Variants in DLGAP4 observed in about 807,000 individuals in gnomAD.
DLGAP4 encodes DLG associated protein 4, also known as disks large-associated protein 4.
In DLGAP4, 18 loss-of-function variants were observed where a neutral mutation model predicts 86.9. The observed-to-expected ratio is 0.21, with a 90% CI of 0.14 to 0.31. The LOEUF is 0.31. Among genes scored for constraint, DLGAP4 ranks in the 10% least tolerant of loss-of-function variants. The probability of loss-of-function intolerance (pLI) is 1.00; values close to 1 mark genes in which losing one functional copy is unlikely to be tolerated. For missense variants in DLGAP4, 1,085 were observed against 1,362.6 expected, an observed-to-expected ratio of 0.80 and a Z score of 3.21; for synonymous variants, 548 against 574.3, an observed-to-expected ratio of 0.95 and a Z score of 0.65.
Position 36,526,971 on chromosome 20 carries a change from A to C in DLGAP4, c.2919A>C (p.Ser973=). Residue 973 remains serine (S), a synonymous_variant, in exon 13 of 13, where the codon TCA becomes TCC. Transcript: ENST00000339266. The stretch of plus-strand genomic sequence containing the variant: ...GGGCAGCTTCTGTGCGGCAGAACTC[A>C]GCCACCGAGAGCGCAGACAGCATCG... ...AKRAASVRQN[S]ATESADSIEI... The C allele has an allele frequency of 1.9e-6, 3 of 1,611,258 alleles. No homozygotes were observed. The highest frequency in any genetic ancestry group is 1.7e-4 in the Middle Eastern group (1 of 6,054).
chr20:36,404,950 G>A (rs533748844), intron 2 of DLGAP4, among the ~76,000 whole-genome samples: 13 of 152,332 alleles, frequency 8.5e-5, no homozygotes, highest in African/African-American at 1.4e-4. Context: ...GTTGAGGAGC[G>A]GGTCAGGGAG....
chr20:36,349,918 C>A (rs1191787162), intron 1 of DLGAP4, among the ~76,000 whole-genome samples: 1 of 152,162 alleles, frequency 6.6e-6, no homozygotes, highest in East Asian at 1.9e-4. Context: ...ATGGGCTGTC[C>A]TCCCCTGACT....
intron 1 of DLGAP4, among the ~76,000 whole-genome samples, chr20:36,337,020 C>T (rs1255027030): frequency 4.6e-5 from 7 of 152,098 alleles, no homozygotes; most frequent in Non-Finnish European, 8.8e-5. Flanking sequence ...CGGAGGAAGG[C>T]GGAGGGAGCT....
At chr20:36,513,613 C>T (rs899358472) in intron 10 of DLGAP4, among the ~76,000 whole-genome samples, 2 of 150,906 alleles carry the variant, frequency 1.3e-5, no homozygotes, top group Non-Finnish European at 1.5e-5. Context: ...AAATGAGAAC[C>T]TCTGTGTACC....
At chr20:36,496,196 GGA>G (rs2147763505) in intron 7 of DLGAP4, among the ~76,000 whole-genome samples, 1 of 152,104 alleles carries the variant, frequency 6.6e-6, no homozygotes, top group Admixed American at 6.5e-5. Context: ...TTGACCAGGT[GGA>G]GAGGGGGCAT....
rs1361212203 is a variant in DLGAP4 at position 36,431,666 on chromosome 20, G to C, written c.-52G>C. 1 of 1,515,462 alleles carries C rather than the reference G, an allele frequency of 6.6e-7. No homozygotes were observed. Among genetic ancestry groups the C allele is most frequent in the East Asian group, 2.3e-5 (1 of 43,728 alleles). 93.9% of individuals were successfully genotyped at this position (1,515,462 alleles called of 1,614,324 possible). On this transcript the variant is annotated 5_prime_UTR_variant, in exon 3 of 13. Coordinates refer to ENST00000339266, the MANE Select transcript of DLGAP4 (RefSeq NM_001365621.2). This position sits in a 1 kb window ranked among gnomAD's most constrained non-coding sequence, Gnocchi z 5.1. Reference sequence around the variant, plus strand: ...CCTAGGATAGCTGCCGCCCGGGAGAGGTGACCCGGGCGCCCTGCTAGGGTG... The same window carrying C: ...CCTAGGATAGCTGCCGCCCGGGAGACGTGACCCGGGCGCCCTGCTAGGGTG...
In DLGAP4 at chr20:36,432,365, C is replaced by T. The variant is rs762306621; in HGVS notation, c.648C>T (p.Gly216=). The change falls in exon 3 of 13, where the codon GGC becomes GGT. Residue 216 remains glycine, a synonymous_variant. Transcript: ENST00000339266. This position sits in a 1 kb window ranked among gnomAD's most constrained non-coding sequence, Gnocchi z 6.5. ...ATGACAACTTGGACGGCGAGGCCGGCGCCTTCCGCAGCAGTGGCCCAGCCT... is the reference window on the plus strand; with the variant it reads ...ATGACAACTTGGACGGCGAGGCCGGTGCCTTCCGCAGCAGTGGCCCAGCCT... ...SSDDNLDGEA[G]AFRSSGPASG... is the part of the protein sequence containing the mutation. 3.3e-5 allele frequency: 54 copies of T among 1,613,378 alleles called. No homozygotes were observed. Among genetic ancestry groups the T allele is most frequent in the Middle Eastern group, 1.6e-4 (1 of 6,082 alleles).
At chr20:36,420,574 A>G (rs905364600) in intron 2 of DLGAP4, among the ~76,000 whole-genome samples, 1 of 152,184 alleles carries the variant, frequency 6.6e-6, no homozygotes, top group Non-Finnish European at 1.5e-5. Context: ...GCAGTGACCC[A>G]CACCTGTAAT....
chr20:36,386,615 C>A (rs1413295921), intron 2 of DLGAP4, among the ~76,000 whole-genome samples: 3 of 152,164 alleles, frequency 2.0e-5, no homozygotes, highest in African/African-American at 7.2e-5. Context: ...GACAGGGTCT[C>A]ACTCTGTCAT....
intron 8 of DLGAP4, chr20:36,498,950 C>T: frequency 2.7e-6 from 1 of 373,354 alleles, no homozygotes; most frequent in Non-Finnish European, 4.9e-6. Context: ...CTCCCCAGGG[C>T]CACCCAGTGC....
At chr20:36,507,327 A>C (rs1223762373) in intron 10 of DLGAP4, among the ~76,000 whole-genome samples, 2 of 152,076 alleles carry the variant, frequency 1.3e-5, no homozygotes, top group Non-Finnish European at 2.9e-5. Context: ...TCCTGGGTGC[A>C]AGTGATTCTC....
chr20:36,424,597 G>C (rs2032922629), intron 2 of DLGAP4, among the ~76,000 whole-genome samples: 1 of 152,104 alleles, frequency 6.6e-6, no homozygotes, highest in South Asian at 2.1e-4. Flanking sequence ...TGTGCAGGGG[G>C]GTCCTGGGTG....
chr20:36,519,035 TG>T (rs2037207162), intron 10 of DLGAP4, among the ~76,000 whole-genome samples: 1 of 151,524 alleles, frequency 6.6e-6, no homozygotes, highest in Non-Finnish European at 1.5e-5. Flanking sequence ...GAGAATCGCT[TG>T]AACCCGGGAG....
chr20:36,525,575 C>T (rs1473472149), intron 11 of DLGAP4: 6 of 506,040 alleles, frequency 1.2e-5, no homozygotes, highest in East Asian at 3.2e-5. Flanking sequence ...CCCTGCAAAA[C>T]GAGAATACCT....
In DLGAP4 at chr20:36,476,829, G is replaced by A. The variant is rs182235106; in HGVS notation, c.1649-19876G>A. Among the ~76,000 whole-genome samples, 44 of 151,296 alleles carry A rather than the reference G, an allele frequency of 2.9e-4. No individual in the cohort carries two copies. In the East Asian group the frequency reaches 7.6e-3, roughly 26 times the overall value. On this transcript the variant is annotated intron_variant, in intron 7 of 12. Coordinates refer to ENST00000339266, the MANE Select transcript of DLGAP4 (RefSeq NM_001365621.2). ...TTCAAGCAATCTCCCAAGTAGCTGG[G>A]ATTACAGGCATGCACCACCATACCC... is the stretch of plus-strand genomic sequence containing the variant.
At position 36,442,740 on chromosome 20, in the gene DLGAP4, C is replaced by T. The variant is rs370232246; in HGVS notation, c.1370C>T (p.Ala457Val). ...TCTTTCCTGCAGATTTTTGGACAGG[C>T]CTCCCTGATCCCCCAGTTGTTTGGC... The part of the protein sequence containing the change: ...SSCISQIFGQ[A>V]SLIPQLFGHE... The change falls in exon 6 of 13, where the codon GCC becomes GTC. Residue 457 changes from alanine to valine, a missense_variant. Ala to Val is a moderately conservative substitution (Grantham distance 64). Around this residue, in one of 2 missense-constraint regions of DLGAP4, gnomAD observed 1,082 missense variants for 1,344.1 expected, o/e 0.81. Coordinates refer to ENST00000339266, the MANE Select transcript of DLGAP4 (RefSeq NM_001365621.2). 8 of 1,614,070 alleles carry T rather than the reference C, an allele frequency of 5.0e-6. No individual in the cohort carries two copies. Among genetic ancestry groups the T allele is most frequent in the Non-Finnish European group, 6.8e-6 (8 of 1,180,040 alleles).
At chr20:36,470,294 C>A (rs140321302) in intron 7 of DLGAP4, among the ~76,000 whole-genome samples, 1 of 152,184 alleles carries the variant, frequency 6.6e-6, no homozygotes, top group East Asian at 1.9e-4. Flanking sequence ...CTGGCACTCT[C>A]CTCCACACCC....
At chr20:36,436,475 T>G in intron 4 of DLGAP4, 125 bp downstream of exon 4, 1 of 1,393,370 alleles carries the variant, frequency 7.2e-7, no homozygotes. Flanking sequence ...ACGCCCCCTT[T>G]GAGCCACGCC....
Position 36,515,796 on chromosome 20 carries a change from C to T in DLGAP4, c.2513-8454C>T, listed in dbSNP as rs904901726. ...TTAACTCCTCTCCTCACTCCTTTTA[C>T]AAACCCTACTAGTTTTGAGGCTATA... On this transcript the variant is annotated intron_variant, in intron 10 of 12. Coordinates refer to ENST00000339266, the MANE Select transcript of DLGAP4 (RefSeq NM_001365621.2). 2.6e-5 allele frequency among the ~76,000 whole-genome samples: 4 copies of T among 152,186 alleles called. No homozygotes were observed. The East Asian group carries it at 7.7e-4, about 29-fold the overall frequency.
Sources: gnomAD v4.1 joint callset for allele counts (sites outside exome capture counted in the v4.1 genomes callset) on GRCh38, gnomAD v4.1.1 for gene constraint, gnomAD v4.1.1 regional missense constraint, Gnocchi (gnomAD v3.1) non-coding constraint, MANE v1.5 for transcripts, NCBI Gene and HGNC (gene_info 2026-07-23, HGNC 2026-07-21) for gene names.